ABHD12: variants seen among roughly 807,000 people sequenced by gnomAD.
ABHD12 encodes lysophosphatidylserine lipase ABHD12.
ABHD12 carries 43 observed loss-of-function variants against 58.3 expected under a neutral mutation model. That is an observed-to-expected ratio of 0.74 (90% CI 0.58 to 0.95). ABHD12 has a LOEUF of 0.95. ABHD12 is among the 40% of genes least tolerant of loss of function. The pLI, the probability that ABHD12 is intolerant of heterozygous loss-of-function variation, is 0.00. For missense variants in ABHD12, 539 were observed against 537.2 expected, an observed-to-expected ratio of 1.00 and a Z score of -0.03; for synonymous variants, 219 against 211.2, an observed-to-expected ratio of 1.04 and a Z score of -0.32.
intron 10 of ABHD12, among the ~76,000 whole-genome samples, chr20:25,303,912 C>A (rs1009395425): frequency 7.2e-5 from 11 of 152,092 alleles, no homozygotes; most frequent in Non-Finnish European, 1.5e-4. Flanking sequence ...TATTTTTAAG[C>A]GGAATAATTC....
intron 3 of ABHD12, among the ~76,000 whole-genome samples, chr20:25,322,375 A>AT (rs1176187862): frequency 4.6e-5 from 2 of 43,266 alleles, no homozygotes; most frequent in African/African-American, 2.1e-4. Flanking sequence ...ATATATATAT[A>AT]TATATATTTT....
chr20:25,379,066 A>G (rs2089992500), intron 1 of ABHD12, among the ~76,000 whole-genome samples: 1 of 152,216 alleles, frequency 6.6e-6, no homozygotes, highest in African/African-American at 2.4e-5. Context: ...TCACTCTGTC[A>G]TGACCTCAGT....
chr20:25,307,041 G>A, intron 9 of ABHD12, 126 bp from the exon 10 acceptor site: 2 of 725,800 alleles, frequency 2.8e-6, no homozygotes, highest in South Asian at 3.0e-5. Flanking sequence ...ACCTAAGGGA[G>A]CAGGGGTGAC....
intron 2 of ABHD12, among the ~76,000 whole-genome samples, chr20:25,332,341 C>T (rs1024832586): frequency 1.3e-5 from 2 of 151,764 alleles, no homozygotes; most frequent in African/African-American, 4.8e-5. Flanking sequence ...ACTTAGACTC[C>T]CACACATTAA....
intron 1 of ABHD12, among the ~76,000 whole-genome samples, chr20:25,389,624 C>T (rs1334407661): frequency 1.3e-5 from 2 of 152,180 alleles, no homozygotes; most frequent in Admixed American, 1.3e-4. Context: ...CTATGAAACA[C>T]GTTCCCATCT....
chr20:25,382,719 C>G (rs1372867983), intron 1 of ABHD12, among the ~76,000 whole-genome samples: 1 of 152,156 alleles, frequency 6.6e-6, no homozygotes, highest in Non-Finnish European at 1.5e-5. Flanking sequence ...CCTCACAGTT[C>G]AGGCCTGTCT....
At chr20:25,297,046 T>A (rs1212936348), downstream of ABHD12, 6 of 161,838 alleles carry the variant, frequency 3.7e-5, no homozygotes, top group Admixed American at 3.4e-4. Context: ...TCGGATCCTC[T>A]AGGCATCGCC....
At chr20:25,363,978 C>T (rs1333456250) in intron 1 of ABHD12, among the ~76,000 whole-genome samples, 1 of 152,132 alleles carries the variant, frequency 6.6e-6, no homozygotes, top group Non-Finnish European at 1.5e-5. Flanking sequence ...CAAACACAAG[C>T]ATCTGCATTT....
chr20:25,312,099 G>A (rs1388043270), intron 6 of ABHD12, among the ~76,000 whole-genome samples: 2 of 152,078 alleles, frequency 1.3e-5, no homozygotes, highest in Non-Finnish European at 2.9e-5. Flanking sequence ...TGGGCAGACT[G>A]CTTGAACCCA....
At position 25,390,476 on chromosome 20, in the gene ABHD12, G is replaced by GCCCCCCCC. The variant is rs773039836; in HGVS notation, c.191+36_191+37insGGGGGGGG. Reference sequence around the variant, plus strand: ...ACGCACCTGCGCAAAGTGAGGGACCGGCCCCCCCCCCCCCCCCGCTCCGCG... The same window carrying GCCCCCCCC: ...ACGCACCTGCGCAAAGTGAGGGACCGCCCCCCCCGCCCCCCCCCCCCCCCCGCTCCGCG... On this transcript the variant is annotated intron_variant, in intron 1 of 12. Coordinates refer to ENST00000339157, the MANE Select transcript of ABHD12 (RefSeq NM_001042472.3). 405 of 1,034,970 alleles carry GCCCCCCCC rather than the reference G, an allele frequency of 3.9e-4. 114 individuals carry two copies. The East Asian group carries it at 6.0e-3, about 15-fold the overall frequency. 64.1% of individuals were successfully genotyped at this position (1,034,970 alleles called of 1,614,324 possible). A position where few individuals can be genotyped will look rare whatever the true frequency, so the allele number is the denominator to read the frequency against.
At chr20:25,388,984 T>G (rs554798140) in intron 1 of ABHD12, among the ~76,000 whole-genome samples, 3 of 151,928 alleles carry the variant, frequency 2.0e-5, no homozygotes, top group South Asian at 2.1e-4. Context: ...TTTTGTATTT[T>G]TAGTACAGAC....
chr20:25,379,067 TGACCTCA>T (rs1221332029), intron 1 of ABHD12, among the ~76,000 whole-genome samples: 9 of 152,248 alleles, frequency 5.9e-5, no homozygotes, highest in Non-Finnish European at 1.0e-4. Context: ...CACTCTGTCA[TGACCTCA>T]GTTCATGTGA....
intron 1 of ABHD12, among the ~76,000 whole-genome samples, chr20:25,342,827 A>T (rs1425521896): frequency 6.6e-6 from 1 of 151,966 alleles, no homozygotes; most frequent in Non-Finnish European, 1.5e-5. Context: ...GGCTCAAGTG[A>T]TCCTACCATC....
rs78199480 is a variant in ABHD12 at position 25,329,539 on chromosome 20, G to A, written c.317-6109C>T. Among the ~76,000 whole-genome samples the A allele has an allele frequency of 5.7e-3, 874 of 152,358 alleles. 7 individuals are homozygous for A. Among genetic ancestry groups the A allele is most frequent in the African/African-American group, 0.019 (802 of 41,576 alleles). On this transcript the variant is annotated intron_variant, in intron 2 of 12. Transcript: ENST00000339157. ...AATGGATCCTGCACACATGGGTGCC[G>A]TGGAGGGTGAAGAAGTGAGAATGTG... is the stretch of plus-strand genomic sequence containing the variant.
intron 2 of ABHD12, among the ~76,000 whole-genome samples, chr20:25,334,646 C>T (rs1366861823): frequency 6.6e-6 from 1 of 151,864 alleles, no homozygotes; most frequent in African/African-American, 2.4e-5. Context: ...TCAGAAATAA[C>T]ACCGCATATC....
rs576318984 is a variant in ABHD12 at position 25,334,023 on chromosome 20, T to A, written c.316+5204A>T. Among the ~76,000 whole-genome samples the A allele has an allele frequency of 3.3e-5, 5 of 152,306 alleles. No individual in the cohort carries two copies. The East Asian group carries it at 9.6e-4, about 29-fold the overall frequency. ...GGAAAAGAGGAAGTCAAATTGTCCC[T>A]GTTTGCAGATGACATGATGGTATAT... On this transcript the variant is annotated intron_variant, in intron 2 of 12. Coordinates refer to ENST00000339157, the MANE Select transcript of ABHD12 (RefSeq NM_001042472.3).
At chr20:25,350,800 C>T (rs1600838330) in intron 1 of ABHD12, among the ~76,000 whole-genome samples, 1 of 152,324 alleles carries the variant, frequency 6.6e-6, no homozygotes, top group East Asian at 1.9e-4. Flanking sequence ...ATCTGAACTT[C>T]CCTTACCTGA....
chr20:25,380,586 C>G (rs1167289970), intron 1 of ABHD12, among the ~76,000 whole-genome samples: 1 of 152,112 alleles, frequency 6.6e-6, no homozygotes, highest in African/African-American at 2.4e-5. Flanking sequence ...TTGCTCCCAC[C>G]ACTGCAGTAA....
intron 7 of ABHD12, among the ~76,000 whole-genome samples, 200 bp downstream of exon 7, chr20:25,309,246 T>C (rs1357538967): frequency 6.6e-6 from 1 of 152,188 alleles, no homozygotes; most frequent in African/African-American, 2.4e-5. Context: ...CCTGAGCCAC[T>C]TCCTGGACGA....
Sources: gnomAD v4.1 joint callset for allele counts (sites outside exome capture counted in the v4.1 genomes callset) on GRCh38, gnomAD v4.1.1 for gene constraint, MANE v1.5 for transcripts, NCBI Gene and HGNC (gene_info 2026-07-23, HGNC 2026-07-21) for gene names.